The following ACTN2 variants were observed in gnomAD, a reference collection of about 807,000 sequenced individuals.
ACTN2 encodes the protein alpha-actinin-2.
A neutral mutation model predicts 113.8 loss-of-function variants in ACTN2; 39 were observed. The ratio of observed to expected loss-of-function variants is 0.34; its 90% CI spans 0.27 to 0.45. The LOEUF (loss-of-function observed/expected upper bound fraction) is 0.45, where lower values mean the gene tolerates loss of function less well. ACTN2 is among the 20% of genes least tolerant of loss of function. The probability of loss-of-function intolerance (pLI) is 1.00; values close to 1 mark genes in which losing one functional copy is unlikely to be tolerated. For synonymous variants in ACTN2, 429 were observed against 444.1 expected, an observed-to-expected ratio of 0.97 and a Z score of 0.43; for missense variants, 992 against 1,177.9, an observed-to-expected ratio of 0.84 and a Z score of 2.31.
intron 1 of ACTN2, among the ~76,000 whole-genome samples, chr1:236,715,417 C>G (rs1352724430): frequency 6.7e-6 from 1 of 150,210 alleles, no homozygotes; most frequent in Non-Finnish European, 1.5e-5. Flanking sequence ...GAATTCTTAT[C>G]ATAATCTTAC....
At chr1:236,752,784 G>T (rs6677567) in intron 15 of ACTN2, among the ~76,000 whole-genome samples, 1 of 151,812 alleles carries the variant, frequency 6.6e-6, no homozygotes, top group South Asian at 2.1e-4. Context: ...AACTCCTGAC[G>T]TCAGGTGATC....
intron 4 of ACTN2, among the ~76,000 whole-genome samples, chr1:236,722,502 G>A (rs1350699254): frequency 1.3e-5 from 2 of 151,998 alleles, no homozygotes; most frequent in African/African-American, 2.4e-5. Flanking sequence ...AGGTGTGGTG[G>A]CATGTGCCTG....
At position 236,718,909 on chromosome 1, in the gene ACTN2, A is replaced by C. The variant is rs1188244978; in HGVS notation, c.257A>C (p.Lys86Thr). The change falls in exon 3 of 21, where the codon AAA becomes ACA. Residue 86 changes from lysine to threonine, a missense_variant. Coordinates refer to ENST00000366578, the MANE Select transcript of ACTN2 (RefSeq NM_001103.4). ...LEVISGERLP[K>T]PDRGKMRFHK... Reference sequence around the variant, plus strand: ...CATCCAACAGGGGAAAGGCTGCCCAAACCTGACCGGGGAAAAATGCGGTTC... The same window carrying C: ...CATCCAACAGGGGAAAGGCTGCCCACACCTGACCGGGGAAAAATGCGGTTC... 6.2e-7 allele frequency: 1 copy of C among 1,614,212 alleles called. No individual in the cohort carries two copies. The highest frequency in any genetic ancestry group is 8.5e-7 in the Non-Finnish European group (1 of 1,180,038).
Position 236,754,959 on chromosome 1 carries a change from G to A in ACTN2, c.1975-60G>A. On this transcript the variant is annotated intron_variant, in intron 16 of 20. Transcript: ENST00000366578. The surrounding 1 kb of genome is among the most constrained non-coding windows in gnomAD (Gnocchi z 4.9). ...GGTCTGGAACGGCGCCTCGTGCCGA[G>A]CTCCCTTAGAGGGCACTTCACTCTG... is the stretch of plus-strand genomic sequence containing the variant. 6.2e-7 allele frequency: 1 copy of A among 1,607,348 alleles called. No homozygotes were observed. The highest frequency in any genetic ancestry group is 8.5e-7 in the Non-Finnish European group (1 of 1,174,624).
intron 1 of ACTN2, among the ~76,000 whole-genome samples, chr1:236,710,405 A>ACATAATTT (rs1329873983): frequency 2.0e-5 from 3 of 152,256 alleles, no homozygotes; most frequent in Non-Finnish European, 4.4e-5. Flanking sequence ...TTGTCCTGTT[A>ACATAATTT]CATAATTTCA....
intron 18 of ACTN2, among the ~76,000 whole-genome samples, chr1:236,758,668 G>A (rs910049715): frequency 1.5e-4 from 23 of 151,200 alleles, no homozygotes; most frequent in Non-Finnish European, 5.9e-5. Flanking sequence ...TGCCCAGGCT[G>A]GAGTGCAATG....
At chr1:236,715,346 GA>G (rs1225281053) in intron 1 of ACTN2, among the ~76,000 whole-genome samples, 6 of 125,104 alleles carry the variant, frequency 4.8e-5, no homozygotes, top group African/African-American at 1.9e-4. Flanking sequence ...TTATACCAAA[GA>G]AACCTATTAC....
chr1:236,712,449 C>G (rs1169107351), intron 1 of ACTN2, among the ~76,000 whole-genome samples: 1 of 152,116 alleles, frequency 6.6e-6, no homozygotes, highest in East Asian at 1.9e-4. Flanking sequence ...CTTCATTAGG[C>G]TTAACTAAAT....
At chr1:236,750,804 A>G (rs1659370538) in intron 14 of ACTN2, among the ~76,000 whole-genome samples, 1 of 152,070 alleles carries the variant, frequency 6.6e-6, no homozygotes. Context: ...AAGGGCATCT[A>G]AGGGCTGAGC....
rs145959169 is a variant in ACTN2, at chr1:236,707,868, C to T, written c.127-9990C>T. 6.9e-3 allele frequency among the ~76,000 whole-genome samples: 1,046 copies of T among 151,800 alleles called. 10 individuals are homozygous for T. The highest frequency in any genetic ancestry group is 0.022 in the African/African-American group (931 of 41,406). On this transcript the variant is annotated intron_variant, in intron 1 of 20. Coordinates refer to ENST00000366578, the MANE Select transcript of ACTN2 (RefSeq NM_001103.4). Reference sequence around the variant, plus strand: ...CTGGGACTACAGGCACAAGGCACCACGCCTGGCTAATTTTTGTATTTTTAG... The same window carrying T: ...CTGGGACTACAGGCACAAGGCACCATGCCTGGCTAATTTTTGTATTTTTAG...
chr1:236,700,011 A>C (rs1657627129), intron 1 of ACTN2, among the ~76,000 whole-genome samples: 1 of 152,086 alleles, frequency 6.6e-6, no homozygotes, highest in Non-Finnish European at 1.5e-5. Flanking sequence ...CCTACTTCCC[A>C]CAGCTGCCTC....
chr1:236,686,945 GC>G, intron 1 of ACTN2, 146 bp downstream of exon 1: 1 of 952,230 alleles, frequency 1.1e-6, no homozygotes. Context: ...AGCCCCGGGG[GC>G]CCCTTAGGAA....
chr1:236,699,669 A>G (rs1657617607), intron 1 of ACTN2, among the ~76,000 whole-genome samples: 1 of 152,202 alleles, frequency 6.6e-6, no homozygotes, highest in Non-Finnish European at 1.5e-5. Flanking sequence ...CTCTCAGATC[A>G]GAGCTCCACA....
intron 18 of ACTN2, 149 bp from the exon 19 acceptor site, chr1:236,759,575 G>T (rs111981124): frequency 5.6e-6 from 4 of 712,206 alleles, no homozygotes; most frequent in Non-Finnish European, 1.0e-5. Flanking sequence ...CCTTGTGCTG[G>T]CTCCATCCTT....
intron 9 of ACTN2, among the ~76,000 whole-genome samples, chr1:236,738,879 A>G (rs1209665143): frequency 6.6e-6 from 1 of 152,224 alleles, no homozygotes; most frequent in Non-Finnish European, 1.5e-5. Context: ...CTTATTTTTT[A>G]AAAACACATT....
rs765436845 is a variant in ACTN2 at position 236,754,992 on chromosome 1, C to G, written c.1975-27C>G. On this transcript the variant is annotated intron_variant, in intron 16 of 20. Transcript: ENST00000366578. The surrounding 1 kb of genome is among the most constrained non-coding windows in gnomAD (Gnocchi z 4.9). ...AGAGGGCACTTCACTCTGCTTCTCTCTCTGCTTGCTCACTCGCCCCCCTCA... is the reference window on the plus strand; with the variant it reads ...AGAGGGCACTTCACTCTGCTTCTCTGTCTGCTTGCTCACTCGCCCCCCTCA... 5.0e-6 allele frequency: 8 copies of G among 1,614,120 alleles called. No homozygotes were observed. The highest frequency in any genetic ancestry group is 6.8e-6 in the Non-Finnish European group (8 of 1,180,020).
chr1:236,744,212 TG>T (rs1432080725), intron 11 of ACTN2, among the ~76,000 whole-genome samples: 1 of 151,968 alleles, frequency 6.6e-6, no homozygotes, highest in Non-Finnish European at 1.5e-5. Flanking sequence ...GGAACTAGGG[TG>T]GGGTAGGACT....
chr1:236,750,663 C>T (rs1353254582), intron 14 of ACTN2, among the ~76,000 whole-genome samples: 1 of 152,174 alleles, frequency 6.6e-6, no homozygotes, highest in Non-Finnish European at 1.5e-5. Flanking sequence ...AGAGAGCCTT[C>T]TGGGAAGAGT....
intron 5 of ACTN2, among the ~76,000 whole-genome samples, chr1:236,726,655 G>T (rs1572120818): frequency 6.6e-6 from 1 of 152,250 alleles, no homozygotes; most frequent in East Asian, 1.9e-4. Flanking sequence ...ATGCAAAAAG[G>T]CCACTGAGAT....
Sources: allele counts gnomAD v4.1 joint callset (sites outside exome capture counted in the v4.1 genomes callset), GRCh38; gene constraint gnomAD v4.1.1; non-coding constraint Gnocchi (gnomAD v3.1); transcripts MANE v1.5; gene names NCBI Gene and HGNC (gene_info 2026-07-23, HGNC 2026-07-21).